The following ARFGEF1 variants were observed in gnomAD, a reference collection of about 807,000 sequenced individuals.
The protein encoded by ARFGEF1 is brefeldin A-inhibited guanine nucleotide-exchange protein 1.
A neutral mutation model predicts 231.0 loss-of-function variants in ARFGEF1; 42 were observed. That is an observed-to-expected ratio of 0.18 (90% confidence interval 0.14 to 0.24). ARFGEF1 has a LOEUF of 0.24. Ranked by LOEUF, ARFGEF1 falls within the 10% of genes least tolerant of loss-of-function variation. The probability of loss-of-function intolerance (pLI) is 1.00; values close to 1 mark genes in which losing one functional copy is unlikely to be tolerated. For synonymous variants in ARFGEF1, 710 were observed against 732.3 expected (o/e 0.97, Z 0.49); for missense variants, 1,345 against 2,192.0 (o/e 0.61, Z 7.72).
At chr8:67,200,147 G>T in intron 38 of ARFGEF1, 1 of 499,460 alleles carries the variant, frequency 2.0e-6, no homozygotes. Flanking sequence ...TATCCCAAGG[G>T]ATTCTGATCC....
intron 7 of ARFGEF1, among the ~76,000 whole-genome samples, chr8:67,282,576 G>A (rs147995421): frequency 1.8e-4 from 28 of 152,098 alleles, no homozygotes; most frequent in African/African-American, 2.9e-4. Flanking sequence ...GGCCAGGCGC[G>A]GTGGCTCATG....
At chr8:67,185,973 T>C (rs974419091) in intron 5 of ARFGEF1, among the ~76,000 whole-genome samples, 7 of 152,074 alleles carry the variant, frequency 4.6e-5, no homozygotes, top group Non-Finnish European at 8.8e-5. Context: ...AAAGCAAAAA[T>C]GCAAGCAAGT....
intron 9 of ARFGEF1, among the ~76,000 whole-genome samples, chr8:67,275,752 T>C (rs1400022571): frequency 1.3e-5 from 2 of 152,100 alleles, no homozygotes; most frequent in African/African-American, 2.4e-5. Context: ...TAGAAAATAG[T>C]ATAAGTCACA....
chr8:67,238,567 C>T (rs1839838468), intron 21 of ARFGEF1, 74 bp from the exon 22 acceptor site: 7 of 1,473,038 alleles, frequency 4.8e-6, no homozygotes, highest in Non-Finnish European at 6.4e-6. Flanking sequence ...ATATATGCAG[C>T]CAGGACTTAA....
intron 19 of ARFGEF1, among the ~76,000 whole-genome samples, chr8:67,248,553 G>T (rs1018481265): frequency 1.3e-5 from 2 of 150,310 alleles, no homozygotes; most frequent in African/African-American, 5.0e-5. Context: ...AAAACATTGA[G>T]GATTCTCTAG....
rs1318838485 is a variant in ARFGEF1, at chr8:67,343,562, C to T, written c.-275G>A. The stretch of plus-strand genomic sequence containing the variant: ...GCTTCTCCCGGCCCGGGGGTCGCGT[C>T]CCGGCCGCCCCTCTCACTCGTCCCT... On this transcript the variant is annotated 5_prime_UTR_variant, in exon 1 of 39. Transcript: ENST00000262215. 2 of 1,123,776 alleles carry T rather than the reference C, an allele frequency of 1.8e-6. No individual in the cohort carries two copies. The highest frequency in any genetic ancestry group is 1.1e-4 in the East Asian group (2 of 18,984). 69.6% of individuals were successfully genotyped at this position (1,123,776 alleles called of 1,614,324 possible). A position where few individuals can be genotyped will look rare whatever the true frequency, so the allele number is the denominator to read the frequency against.
chr8:67,206,573 C>T (rs1031921872), intron 34 of ARFGEF1, among the ~76,000 whole-genome samples: 4 of 152,164 alleles, frequency 2.6e-5, no homozygotes, highest in African/African-American at 4.8e-5. Context: ...TCTGATAGTC[C>T]GCCGGCCCAT....
At chr8:67,202,414 C>T (rs1210137291) in intron 36 of ARFGEF1, among the ~76,000 whole-genome samples, 2 of 152,032 alleles carry the variant, frequency 1.3e-5, no homozygotes. Flanking sequence ...TATGCGACAC[C>T]ATGCCCCGCT....
chr8:67,307,396 G>C (rs1057226830), intron 1 of ARFGEF1, among the ~76,000 whole-genome samples: 8 of 152,200 alleles, frequency 5.3e-5, no homozygotes, highest in African/African-American at 1.7e-4. Flanking sequence ...GTCTCAAACT[G>C]TGTGTGTGCA....
chr8:67,302,428 C>T lies in ARFGEF1; in HGVS notation c.155+8G>A. 1.9e-6 allele frequency: 3 copies of T among 1,566,218 alleles called. No individual in the cohort carries two copies. The highest frequency in any genetic ancestry group is 2.6e-6 in the Non-Finnish European group (3 of 1,160,882). On this transcript the variant is annotated splice_region_variant and intron_variant, in intron 2 of 38. Transcript: ENST00000262215. ...TTATTTTTACTAAAGAAAAGAAATC[C>T]CACAAACCTCTGTTTTTCAGTTTCC...
At chr8:67,329,150 C>T (rs1180010311) in intron 1 of ARFGEF1, among the ~76,000 whole-genome samples, 1 of 151,996 alleles carries the variant, frequency 6.6e-6, no homozygotes, top group African/African-American at 2.4e-5. Flanking sequence ...CACTTGAACT[C>T]GAGAGGCGGA....
intron 19 of ARFGEF1, among the ~76,000 whole-genome samples, chr8:67,244,365 G>T (rs533159762): frequency 8.2e-6 from 1 of 121,498 alleles, no homozygotes; most frequent in South Asian, 2.7e-4. Flanking sequence ...AGGCTGGAGT[G>T]AAGTGACATC....
Position 67,240,262 on chromosome 8 carries a change from A to C in ARFGEF1, c.2879T>G (p.Phe960Cys), listed in dbSNP as rs757781689. Reference sequence around the variant, plus strand: ...ATCACAATCTTGTAGACCCACACTGAATGCAGCCAGAAAAGGCGTCCAAGC... The same window carrying C: ...ATCACAATCTTGTAGACCCACACTGCATGCAGCCAGAAAAGGCGTCCAAGC... ...KLAWTPFLAA[F>C]SVGLQDCDDT... Residue 960 changes from phenylalanine to cysteine, a missense_variant, in exon 20 of 39, where the codon TTC (phenylalanine) becomes TGC (cysteine). Physicochemically the swap from Phe to Cys is radical, Grantham distance 205. Transcript: ENST00000262215. The C allele has an allele frequency of 1.2e-6, 2 of 1,607,690 alleles. No homozygotes were observed. Among genetic ancestry groups the C allele is most frequent in the Non-Finnish European group, 1.7e-6 (2 of 1,178,466 alleles).
At chr8:67,342,732 T>C (rs757073444) in intron 1 of ARFGEF1, among the ~76,000 whole-genome samples, 6 of 152,190 alleles carry the variant, frequency 3.9e-5, no homozygotes, top group Non-Finnish European at 8.8e-5. Flanking sequence ...GAAAAAGTTA[T>C]TGTTAATTAT....
chr8:67,321,926 C>A (rs930322598), intron 1 of ARFGEF1, among the ~76,000 whole-genome samples: 1 of 152,196 alleles, frequency 6.6e-6, no homozygotes, highest in South Asian at 2.1e-4. Flanking sequence ...CAGCATGGCA[C>A]ACAAAAGCCT....
At chr8:67,257,840 T>C (rs779025995) in intron 16 of ARFGEF1, 24 bp from the exon 17 acceptor site, 13 of 1,557,196 alleles carry the variant, frequency 8.3e-6, no homozygotes, top group Non-Finnish European at 1.1e-5. Context: ...TGTATCATGT[T>C]ATAAACTTCT....
chr8:67,218,058 G>C lies in ARFGEF1; in HGVS notation c.4419C>G (p.Leu1473=). The C allele has an allele frequency of 6.2e-7, 1 of 1,610,970 alleles. No individual in the cohort carries two copies. Among genetic ancestry groups the C allele is most frequent in the Non-Finnish European group, 8.5e-7 (1 of 1,178,464 alleles). The change falls in exon 31 of 39, where the codon CTC becomes CTG. Residue 1473 remains leucine, a synonymous_variant. Transcript: ENST00000262215. ...CDVFTQYLEV[L]SDVLLDDIFA... ...AAATGTCATCCAAAAGTACATCACT[G>C]AGTACTTCTAAATACTGAGTGAATA...
chr8:67,215,108 GT>G (rs1838880762), intron 33 of ARFGEF1, among the ~76,000 whole-genome samples: 1 of 152,102 alleles, frequency 6.6e-6, no homozygotes, highest in Non-Finnish European at 1.5e-5. Context: ...TCCCACTACT[GT>G]ATTTTAAAAG....
At chr8:67,305,203 G>T (rs1806682040) in intron 1 of ARFGEF1, among the ~76,000 whole-genome samples, 1 of 152,042 alleles carries the variant, frequency 6.6e-6, no homozygotes, top group Admixed American at 6.6e-5. Context: ...GATAATAAAG[G>T]TTCCTTATAT....
Sources: gnomAD v4.1 joint callset for allele counts (sites outside exome capture counted in the v4.1 genomes callset) on GRCh38, gnomAD v4.1.1 for gene constraint, MANE v1.5 for transcripts, NCBI Gene and HGNC (gene_info 2026-07-23, HGNC 2026-07-21) for gene names.